The following STK38L variants were observed in gnomAD, a reference collection of about 807,000 sequenced individuals.
STK38L encodes the protein serine/threonine-protein kinase 38-like.
STK38L carries 28 observed loss-of-function variants against 59.7 expected under a neutral mutation model. The observed-to-expected ratio is 0.47, with a 90% CI of 0.35 to 0.64. The LOEUF (loss-of-function observed/expected upper bound fraction) is 0.64, where lower values mean the gene tolerates loss of function less well. STK38L is among the 30% of genes least tolerant of loss of function. The pLI is 0.01. For synonymous variants in STK38L, 162 were observed against 176.8 expected, an observed-to-expected ratio of 0.92 and a Z score of 0.66; for missense variants, 314 against 555.8, an observed-to-expected ratio of 0.56 and a Z score of 4.37.
chr12:27,314,391 A>C lies in STK38L; in HGVS notation c.518-113A>C, dbSNP rs146283849. On this transcript the variant is annotated intron_variant, in intron 6 of 13. Transcript: ENST00000389032. Reference sequence around the variant, plus strand: ...ACTCCAACCCAGGCAACAGAGTGAGACTCTGTCTCCAAAAAAAAAAAAAAA... The same window carrying C: ...ACTCCAACCCAGGCAACAGAGTGAGCCTCTGTCTCCAAAAAAAAAAAAAAA... 2.5e-3 allele frequency: 2,126 copies of C among 853,510 alleles called. 23 individuals are homozygous for C. In the African/African-American group the frequency reaches 0.028, roughly 11 times the overall value. The allele number at this position is 853,510 out of a possible 1,614,324, so 52.9% of individuals were successfully genotyped here.
intron 1 of STK38L, among the ~76,000 whole-genome samples, chr12:27,247,137 T>A (rs1942872389): frequency 6.6e-6 from 1 of 152,252 alleles, no homozygotes; most frequent in Non-Finnish European, 1.5e-5. Context: ...TATATAATGC[T>A]GCTTCCTGCT....
In STK38L at chr12:27,322,132, C is replaced by T. The variant is rs775748551; in HGVS notation, c.1176-11C>T. ...GAAAAGTTACCATGCATACTTAATACCTTTTTATAGGGAAAGGCCAGCAGC... is the reference window on the plus strand; with the variant it reads ...GAAAAGTTACCATGCATACTTAATATCTTTTTATAGGGAAAGGCCAGCAGC... On this transcript the variant is annotated splice_polypyrimidine_tract_variant and intron_variant, in intron 12 of 13. Transcript: ENST00000389032. 2 of 1,608,586 alleles carry T rather than the reference C, an allele frequency of 1.2e-6. No homozygotes were observed. Among genetic ancestry groups the T allele is most frequent in the South Asian group, 1.1e-5 (1 of 89,850 alleles).
At chr12:27,303,682 GAGA>G (rs1306426933) in intron 3 of STK38L, among the ~76,000 whole-genome samples, 3 of 152,252 alleles carry the variant, frequency 2.0e-5, no homozygotes, top group East Asian at 1.9e-4. Context: ...TGAAAATATA[GAGA>G]AGATTTTTCC....
chr12:27,325,923 T>A lies in STK38L; in HGVS notation c.*3468T>A, dbSNP rs1391709481. The stretch of plus-strand genomic sequence containing the variant: ...TGGTGGCATGAGGACAAAATTTCAT[T>A]GAAGGTAAGATAAGAATAAAAACTA... On this transcript the variant is annotated 3_prime_UTR_variant, in exon 14 of 14. Transcript: ENST00000389032. 1 of 152,200 alleles carries A rather than the reference T, an allele frequency of 6.6e-6. No individual in the cohort carries two copies. Among genetic ancestry groups the A allele is most frequent in the African/African-American group, 2.4e-5 (1 of 41,450 alleles). 9.4% of individuals were successfully genotyped at this position (152,200 alleles called of 1,614,324 possible). A position where few individuals can be genotyped will look rare whatever the true frequency, so the allele number is the denominator to read the frequency against.
chr12:27,287,711 A>G (rs1400978106), intron 1 of STK38L, among the ~76,000 whole-genome samples: 3 of 151,778 alleles, frequency 2.0e-5, no homozygotes, highest in Non-Finnish European at 4.4e-5. Flanking sequence ...CTTTTGAACC[A>G]TTTGCAATTT....
chr12:27,275,342 C>CTT lies in STK38L; in HGVS notation c.-11-22351_-11-22350dup, dbSNP rs34162442. 5.1e-3 allele frequency among the ~76,000 whole-genome samples: 632 copies of CTT among 124,718 alleles called. 14 individuals are homozygous for CTT. Among genetic ancestry groups the CTT allele is most frequent in the Middle Eastern group, 0.012 (3 of 242 alleles). The allele number at this position is 124,718 out of a possible 152,430, so 81.8% of individuals were successfully genotyped here. A position where few individuals can be genotyped will look rare whatever the true frequency, so the allele number is the denominator to read the frequency against. ...TCTGTCTTCCATGATTAGACTGCAT[C>CTT]TTTTTTTTTTTTTTTTTTGAGACGG... is the stretch of plus-strand genomic sequence containing the variant. On this transcript the variant is annotated intron_variant, in intron 1 of 13. Coordinates refer to ENST00000389032, the MANE Select transcript of STK38L (RefSeq NM_015000.4).
At chr12:27,295,060 T>C (rs985156071) in intron 1 of STK38L, among the ~76,000 whole-genome samples, 1 of 152,148 alleles carries the variant, frequency 6.6e-6, no homozygotes, top group Non-Finnish European at 1.5e-5. Context: ...GATTCTGAAA[T>C]TTCCAAAAAT....
In STK38L at chr12:27,322,516, T is replaced by C. The variant is rs1591952632; in HGVS notation, c.*61T>C. 1 of 1,582,514 alleles carries C rather than the reference T, an allele frequency of 6.3e-7. No homozygotes were observed. Among genetic ancestry groups the C allele is most frequent in the Non-Finnish European group, 8.6e-7 (1 of 1,168,788 alleles). The stretch of plus-strand genomic sequence containing the variant: ...AGGTAGCTGCATCACCAGGCTTGCT[T>C]GGCGTAGATAACAATACACTGAAAT... On this transcript the variant is annotated 3_prime_UTR_variant, in exon 14 of 14. Coordinates refer to ENST00000389032, the MANE Select transcript of STK38L (RefSeq NM_015000.4).
intron 1 of STK38L, among the ~76,000 whole-genome samples, chr12:27,247,996 G>A (rs952971530): frequency 2.7e-5 from 4 of 150,264 alleles, no homozygotes; most frequent in African/African-American, 7.4e-5. Context: ...TAAATTTTTT[G>A]TAGAGACAGG....
chr12:27,288,172 C>T (rs1252450392), intron 1 of STK38L, among the ~76,000 whole-genome samples: 1 of 152,166 alleles, frequency 6.6e-6, no homozygotes, highest in Non-Finnish European at 1.5e-5. Flanking sequence ...AGCCACTGCG[C>T]CCAGCCAAGT....
At chr12:27,321,319 TAAG>T (rs919441516) in intron 12 of STK38L, among the ~76,000 whole-genome samples, 4 of 152,254 alleles carry the variant, frequency 2.6e-5, no homozygotes, top group South Asian at 4.1e-4. Context: ...TTTAGCATGA[TAAG>T]AAGGCATTTT....
chr12:27,252,463 AT>A (rs1942997823), intron 1 of STK38L, among the ~76,000 whole-genome samples: 2 of 152,138 alleles, frequency 1.3e-5, no homozygotes, highest in Non-Finnish European at 1.5e-5. Context: ...AGCAGTGTTC[AT>A]TTTTACTTAG....
At chr12:27,296,060 G>A (rs1368983356) in intron 1 of STK38L, among the ~76,000 whole-genome samples, 1 of 152,202 alleles carries the variant, frequency 6.6e-6, no homozygotes, top group Non-Finnish European at 1.5e-5. Context: ...TATGTGACTT[G>A]CCCCAAACTT....
intron 1 of STK38L, among the ~76,000 whole-genome samples, chr12:27,287,139 G>A (rs1164734158): frequency 3.1e-4 from 45 of 142,860 alleles, no homozygotes; most frequent in Admixed American, 7.2e-4. Context: ...TCACTCTGTC[G>A]CCCAGGCTGG....
chr12:27,310,031 G>A (rs1591931949), intron 5 of STK38L, among the ~76,000 whole-genome samples: 2 of 152,342 alleles, frequency 1.3e-5, no homozygotes, highest in Admixed American at 6.5e-5. Context: ...ATTTTCAGGT[G>A]CGGGAAAGCA....
At chr12:27,286,980 A>G (rs1393537128) in intron 1 of STK38L, among the ~76,000 whole-genome samples, 2 of 152,218 alleles carry the variant, frequency 1.3e-5, no homozygotes, top group Non-Finnish European at 2.9e-5. Flanking sequence ...ATTATCAAAC[A>G]GTGTTATGTA....
chr12:27,288,078 C>T (rs1164191472), intron 1 of STK38L, among the ~76,000 whole-genome samples: 1 of 152,100 alleles, frequency 6.6e-6, no homozygotes, highest in Admixed American at 6.6e-5. Context: ...GATGAGTTTT[C>T]GTCATGTTGG....
At chr12:27,270,564 G>C (rs1193331465) in intron 1 of STK38L, among the ~76,000 whole-genome samples, 1 of 152,106 alleles carries the variant, frequency 6.6e-6, no homozygotes, top group East Asian at 1.9e-4. Flanking sequence ...TTTTAGTAGA[G>C]ATGGGGTTTC....
chr12:27,245,096 A>T (rs1438228361), intron 1 of STK38L, among the ~76,000 whole-genome samples: 1 of 152,132 alleles, frequency 6.6e-6, no homozygotes, highest in Non-Finnish European at 1.5e-5. Flanking sequence ...CTCCCCTTTT[A>T]CTGGTGCTGC....
Sources: allele counts gnomAD v4.1 joint callset (sites outside exome capture counted in the v4.1 genomes callset), GRCh38; gene constraint gnomAD v4.1.1; transcripts MANE v1.5; gene names NCBI Gene and HGNC (gene_info 2026-07-23, HGNC 2026-07-21).